Variants in ZNF184 observed in about 807,000 individuals in gnomAD.
ZNF184 encodes zinc finger protein 184, also known as zinc finger protein 184 (Kruppel-like).
In ZNF184, 16 loss-of-function variants were observed where a neutral mutation model predicts 54.4. That is an observed-to-expected ratio of 0.29 (90% CI 0.20 to 0.45). The LOEUF (loss-of-function observed/expected upper bound fraction) is 0.45. Ranked by LOEUF, ZNF184 falls within the 20% of genes least tolerant of loss-of-function variation. ZNF184 has a pLI of 1.00. For missense variants in ZNF184, 681 were observed against 888.2 expected, an observed-to-expected ratio of 0.77 and a Z score of 2.97; for synonymous variants, 254 against 295.3, an observed-to-expected ratio of 0.86 and a Z score of 1.43.
chr6:27,469,146 A>G (rs1305018653), intron 2 of ZNF184, among the ~76,000 whole-genome samples: 1 of 152,192 alleles, frequency 6.6e-6, no homozygotes, highest in Non-Finnish European at 1.5e-5. Flanking sequence ...TTTAGGCTTC[A>G]ATTTCCTCAT....
At chr6:27,419,182 C>G in the ZNF184 span, among the ~76,000 whole-genome samples, 1 of 152,202 alleles carries the variant, frequency 6.6e-6, no homozygotes, top group Non-Finnish European at 1.5e-5. This position sits in a 1 kb window ranked among gnomAD's most constrained non-coding sequence, Gnocchi z 4.8. Context: ...CGGCTCACTG[C>G]AACCTCTGCC....
chr6:27,434,244 A>G, the ZNF184 span, among the ~76,000 whole-genome samples: 88,785 of 152,020 alleles, frequency 0.58, 26,444 homozygotes, highest in Middle Eastern at 0.74. Flanking sequence ...TTTTTGAGGA[A>G]CTACTGAATG....
intron 3 of ZNF184, among the ~76,000 whole-genome samples, chr6:27,458,387 G>A (rs913805693): frequency 1.3e-5 from 2 of 148,808 alleles, no homozygotes; most frequent in African/African-American, 4.9e-5. Context: ...CATCTCACAA[G>A]GGACTAATAT....
chr6:27,404,397 A>G, the ZNF184 span: 1 of 152,228 alleles, frequency 6.6e-6, no homozygotes, highest in Admixed American at 6.5e-5. Flanking sequence ...GTGAATAAAT[A>G]TTTAGTTCAT....
intron 2 of ZNF184, among the ~76,000 whole-genome samples, chr6:27,469,054 T>G (rs928429240): frequency 6.6e-6 from 1 of 152,124 alleles, no homozygotes; most frequent in Non-Finnish European, 1.5e-5. Flanking sequence ...CCACTTAGAG[T>G]ACTGGTTGAC....
In ZNF184 at chr6:27,472,335, G is replaced by A; in HGVS notation, c.-41C>T. 6.2e-7 allele frequency: 1 copy of A among 1,613,866 alleles called. No individual in the cohort carries two copies. Among genetic ancestry groups the A allele is most frequent in the Non-Finnish European group, 8.5e-7 (1 of 1,179,892 alleles). ...CGTTCCTCTGGAACTTGAACACCAGGGTTCGCCAGGCAGCGTTCCTTCAGC... is the reference window on the plus strand; with the variant it reads ...CGTTCCTCTGGAACTTGAACACCAGAGTTCGCCAGGCAGCGTTCCTTCAGC... On this transcript the variant is annotated 5_prime_UTR_variant, in exon 2 of 6. Coordinates refer to ENST00000683788, the MANE Select transcript of ZNF184 (RefSeq NM_001318891.2). The surrounding 1 kb of genome is among the most constrained non-coding windows in gnomAD (Gnocchi z 4.8).
At chr6:27,414,486 A>C in the ZNF184 span, among the ~76,000 whole-genome samples, 1 of 151,780 alleles carries the variant, frequency 6.6e-6, no homozygotes, top group Non-Finnish European at 1.5e-5. Context: ...ATTCTCTTTC[A>C]CTTTACTCTA....
At chr6:27,408,462 G>A in the ZNF184 span, among the ~76,000 whole-genome samples, 5 of 152,258 alleles carry the variant, frequency 3.3e-5, no homozygotes, top group South Asian at 1.0e-3. Context: ...ATTCTCTAAA[G>A]TTCCCCTGTC....
chr6:27,452,921 G>A lies in ZNF184; in HGVS notation c.638C>T (p.Ser213Leu), dbSNP rs1337273134. ...TSTKRSIKQNSNPVKKEKSCK... is the reference protein window; with the variant it reads ...TSTKRSIKQNLNPVKKEKSCK... ...AGATTTCTCTTTTTTAACTGGGTTT[G>A]AATTCTGTTTGATGCTTCTTTTAGT... Residue 213 changes from serine (S) to leucine (L), a missense_variant, in exon 6 of 6, where the codon TCA (serine) becomes TTA (leucine). Coordinates refer to ENST00000683788, the MANE Select transcript of ZNF184 (RefSeq NM_001318891.2). This position sits in a 1 kb window ranked among gnomAD's most constrained non-coding sequence, Gnocchi z 5.5. 6.2e-7 allele frequency: 1 copy of A among 1,614,132 alleles called. No individual in the cohort carries two copies. The highest frequency in any genetic ancestry group is 1.7e-5 in the Admixed American group (1 of 60,018).
At chr6:27,423,943 G>T in the ZNF184 span, among the ~76,000 whole-genome samples, 100 of 152,270 alleles carry the variant, frequency 6.6e-4, 1 homozygote, top group African/African-American at 2.1e-3. Context: ...TGCTCTTGTT[G>T]AAACATTGTA....
At chr6:27,411,022 C>T in the ZNF184 span, among the ~76,000 whole-genome samples, 55 of 152,178 alleles carry the variant, frequency 3.6e-4, 2 homozygotes, top group Non-Finnish European at 4.4e-5. Context: ...GCTACTACAA[C>T]AAAAACTTGT....
At chr6:27,447,071 T>TAA (rs1561832693), downstream of ZNF184, among the ~76,000 whole-genome samples, 15 of 132,162 alleles carry the variant, frequency 1.1e-4, 1 homozygote, top group South Asian at 2.3e-4. Flanking sequence ...GCCACTGCAA[T>TAA]CAAAAAAAAA....
the ZNF184 span, among the ~76,000 whole-genome samples, chr6:27,428,945 T>C: frequency 1.3e-5 from 2 of 152,218 alleles, no homozygotes; most frequent in African/African-American, 4.8e-5. The surrounding 1 kb of genome is among the most constrained non-coding windows in gnomAD (Gnocchi z 4.1). Flanking sequence ...GAGCAGGCTG[T>C]GTACTCCTTC....
Position 27,456,818 on chromosome 6 carries a change from T to C in ZNF184, c.298+8A>G, listed in dbSNP as rs370150650. 3 of 1,612,806 alleles carry C rather than the reference T, an allele frequency of 1.9e-6. No individual in the cohort carries two copies. The highest frequency in any genetic ancestry group is 2.7e-5 in the African/African-American group (2 of 74,880). On this transcript the variant is annotated splice_region_variant and intron_variant, in intron 5 of 5. Transcript: ENST00000683788. ...AATGATATTCATCTGCTGGCATCCA[T>C]GACTTACCTGCACAGGTACCTACTG...
chr6:27,422,113 C>CTG, the ZNF184 span, among the ~76,000 whole-genome samples: 1 of 125,540 alleles, frequency 8.0e-6, no homozygotes. Context: ...TACACCCTAG[C>CTG]CTGTGCAACA....
intron 5 of ZNF184, among the ~76,000 whole-genome samples, chr6:27,455,653 G>A (rs1762834970): frequency 6.6e-6 from 1 of 151,898 alleles, no homozygotes; most frequent in African/African-American, 2.4e-5. Context: ...GCAGGGCGGG[G>A]GTTGGGAGAT....
intron 2 of ZNF184, among the ~76,000 whole-genome samples, chr6:27,470,812 C>A: frequency 6.6e-6 from 1 of 151,932 alleles, no homozygotes; most frequent in Admixed American, 6.6e-5. Context: ...AAAGTTAATC[C>A]TAATGATAAA....
the ZNF184 span, among the ~76,000 whole-genome samples, chr6:27,422,157 AAAG>A: frequency 6.1e-5 from 2 of 32,758 alleles, no homozygotes; most frequent in South Asian, 2.2e-3. Context: ...AAAAAGAAAG[AAAG>A]AAAGAAAGAA....
At chr6:27,463,727 A>G (rs1361751108) in intron 3 of ZNF184, among the ~76,000 whole-genome samples, 1 of 152,134 alleles carries the variant, frequency 6.6e-6, no homozygotes, top group African/African-American at 2.4e-5. Flanking sequence ...AAAGATAAAA[A>G]CAACAGTAAC....
Sources: gnomAD v4.1 joint callset for allele counts (sites outside exome capture counted in the v4.1 genomes callset) on GRCh38, gnomAD v4.1.1 for gene constraint, Gnocchi (gnomAD v3.1) non-coding constraint, MANE v1.5 for transcripts, NCBI Gene and HGNC (gene_info 2026-07-23, HGNC 2026-07-21) for gene names.